The following KCNIP4 variants were observed in gnomAD, a reference collection of about 807,000 sequenced individuals.
The protein encoded by KCNIP4 is Kv channel-interacting protein 4.
KCNIP4 carries 12 observed loss-of-function variants against 34.0 expected under a neutral mutation model. The ratio of observed to expected loss-of-function variants is 0.35; its 90% CI spans 0.23 to 0.57. The LOEUF (loss-of-function observed/expected upper bound fraction) is 0.57. KCNIP4 is among the 20% of genes least tolerant of loss of function. KCNIP4 has a pLI of 0.83. For missense variants in KCNIP4, 238 were observed against 311.7 expected (o/e 0.76, Z 1.78); for synonymous variants, 124 against 102.2 (o/e 1.21, Z -1.29).
chr4:21,432,915 T>C (rs775165710), intron 1 of KCNIP4, among the ~76,000 whole-genome samples: 1 of 152,120 alleles, frequency 6.6e-6, no homozygotes, highest in Non-Finnish European at 1.5e-5. Flanking sequence ...CCAGAATAGA[T>C]GATTATCAAC....
At chr4:21,711,698 T>G (rs941287555) in intron 1 of KCNIP4, among the ~76,000 whole-genome samples, 1 of 152,228 alleles carries the variant, frequency 6.6e-6, no homozygotes, top group Non-Finnish European at 1.5e-5. Flanking sequence ...CTGTTTTTCA[T>G]ATTGTTTTTG....
intron 1 of KCNIP4, among the ~76,000 whole-genome samples, chr4:20,897,779 G>C (rs1230935738): frequency 2.0e-5 from 3 of 152,192 alleles, no homozygotes; most frequent in Non-Finnish European, 4.4e-5. Flanking sequence ...TGGCAGTTCT[G>C]TCAGGAGATC....
intron 1 of KCNIP4, among the ~76,000 whole-genome samples, chr4:21,184,014 T>G (rs556704912): frequency 3.3e-5 from 5 of 152,264 alleles, no homozygotes; most frequent in Non-Finnish European, 7.4e-5. Context: ...TTAATTTTCT[T>G]GTATATTGCT....
chr4:21,793,074 A>C (rs1720398243), intron 1 of KCNIP4, among the ~76,000 whole-genome samples: 1 of 152,218 alleles, frequency 6.6e-6, no homozygotes, highest in Non-Finnish European at 1.5e-5. Context: ...GTCAACATTC[A>C]TGGGCAGTCC....
intron 1 of KCNIP4, among the ~76,000 whole-genome samples, chr4:21,490,584 A>T (rs752209873): frequency 1.3e-5 from 2 of 152,238 alleles, no homozygotes; most frequent in African/African-American, 2.4e-5. Flanking sequence ...TTAGGAAATA[A>T]GATTTCTAAC....
chr4:21,658,107 C>T (rs960518371), intron 1 of KCNIP4, among the ~76,000 whole-genome samples: 2 of 151,888 alleles, frequency 1.3e-5, no homozygotes, highest in African/African-American at 4.8e-5. Context: ...CAAAGTGCTG[C>T]GATTATAGGC....
intron 1 of KCNIP4, among the ~76,000 whole-genome samples, chr4:21,078,081 G>C (rs1028399019): frequency 6.6e-6 from 1 of 152,028 alleles, no homozygotes. Flanking sequence ...GTTGAGCAGA[G>C]GGTGATGATG....
At chr4:21,377,257 C>A (rs1303645032) in intron 1 of KCNIP4, among the ~76,000 whole-genome samples, 2 of 152,120 alleles carry the variant, frequency 1.3e-5, no homozygotes, top group African/African-American at 4.8e-5. Flanking sequence ...GGTAACCCTG[C>A]TAGGGATAAT....
intron 1 of KCNIP4, among the ~76,000 whole-genome samples, chr4:21,323,729 G>T (rs1002585606): frequency 6.6e-6 from 1 of 152,020 alleles, no homozygotes; most frequent in Admixed American, 6.6e-5. Context: ...AAATATGGGA[G>T]CGCAGATATC....
chr4:21,352,550 G>A (rs1324053812), intron 1 of KCNIP4, among the ~76,000 whole-genome samples: 3 of 152,214 alleles, frequency 2.0e-5, no homozygotes, highest in African/African-American at 7.2e-5. Flanking sequence ...GGATTGCCTT[G>A]CAAGGCTGCA....
At chr4:21,006,648 G>A (rs6830960) in intron 1 of KCNIP4, among the ~76,000 whole-genome samples, 3,608 of 152,242 alleles carry the variant, frequency 0.024, 150 homozygotes, top group African/African-American at 0.081. Context: ...ATTTGCTGTC[G>A]GTAGAATGAG....
In KCNIP4 at chr4:21,894,818, C is replaced by G. The variant is rs573415967; in HGVS notation, c.61+53753G>C. On this transcript the variant is annotated intron_variant, in intron 1 of 8. Coordinates refer to ENST00000382152, the MANE Select transcript of KCNIP4 (RefSeq NM_025221.6). ...TTTTACACAAGGCAGGGATAAAATC[C>G]TTCTACTACTTAGTGCAGAGAAAAT... 1.9e-4 allele frequency among the ~76,000 whole-genome samples: 29 copies of G among 152,250 alleles called. No homozygotes were observed. The South Asian group carries it at 5.4e-3, about 28-fold the overall frequency.
At chr4:20,836,757 G>C (rs555022468) in intron 3 of KCNIP4, among the ~76,000 whole-genome samples, 1 of 152,134 alleles carries the variant, frequency 6.6e-6, no homozygotes, top group African/African-American at 2.4e-5. Context: ...ATATAGATTA[G>C]TATTTGACCA....
chr4:21,774,581 C>T (rs925812711), intron 1 of KCNIP4, among the ~76,000 whole-genome samples: 11 of 152,198 alleles, frequency 7.2e-5, no homozygotes, highest in African/African-American at 2.2e-4. Context: ...TCCACTCAAT[C>T]GTAGGTTTTG....
At chr4:21,717,763 T>C (rs893281520) in intron 1 of KCNIP4, among the ~76,000 whole-genome samples, 5 of 152,212 alleles carry the variant, frequency 3.3e-5, no homozygotes, top group African/African-American at 1.2e-4. Context: ...TCTTGATCAC[T>C]GTCATTTTCA....
intron 1 of KCNIP4, among the ~76,000 whole-genome samples, chr4:21,440,066 A>G (rs1727322151): frequency 6.6e-6 from 1 of 152,218 alleles, no homozygotes; most frequent in African/African-American, 2.4e-5. Context: ...TCTCTGACCC[A>G]ATGACAAAGG....
intron 1 of KCNIP4, among the ~76,000 whole-genome samples, chr4:21,276,785 G>A (rs1255841573): frequency 1.3e-5 from 2 of 151,966 alleles, no homozygotes; most frequent in African/African-American, 4.8e-5. Flanking sequence ...ATATAGTTTT[G>A]GGCCAATGAG....
At chr4:21,242,880 CTGTG>C (rs56347755) in intron 1 of KCNIP4, among the ~76,000 whole-genome samples, 9,133 of 149,058 alleles carry the variant, frequency 0.061, 370 homozygotes, top group Non-Finnish European at 0.087. Context: ...GTGTGTGTAT[CTGTG>C]TGTGTGTGTG....
intron 1 of KCNIP4, among the ~76,000 whole-genome samples, chr4:21,107,814 G>A (rs1320159948): frequency 4.0e-5 from 6 of 151,312 alleles, no homozygotes; most frequent in African/African-American, 9.8e-5. Flanking sequence ...AAATCTCTCA[G>A]CATTTGCTTG....
Sources: gnomAD v4.1 joint callset for allele counts (sites outside exome capture counted in the v4.1 genomes callset) on GRCh38, gnomAD v4.1.1 for gene constraint, MANE v1.5 for transcripts, NCBI Gene and HGNC (gene_info 2026-07-23, HGNC 2026-07-21) for gene names.